The following C2CD2 variants were observed in gnomAD, a reference collection of about 807,000 sequenced individuals.
C2CD2 encodes C2 domain-containing protein 2.
In C2CD2, 43 loss-of-function variants were observed where a neutral mutation model predicts 74.3. That is an observed-to-expected ratio of 0.58 (90% CI 0.45 to 0.75). The LOEUF (loss-of-function observed/expected upper bound fraction) is 0.75, where lower values mean the gene tolerates loss of function less well. Ranked by LOEUF, C2CD2 falls within the 30% of genes least tolerant of loss-of-function variation. The probability of loss-of-function intolerance (pLI) is 0.00; values close to 1 mark genes in which losing one functional copy is unlikely to be tolerated. For missense variants in C2CD2, 801 were observed against 916.3 expected, an observed-to-expected ratio of 0.87 and a Z score of 1.63; for synonymous variants, 422 against 390.7, an observed-to-expected ratio of 1.08 and a Z score of -0.94.
intron 2 of C2CD2, among the ~76,000 whole-genome samples, chr21:41,937,766 T>G (rs1211646315): frequency 6.6e-6 from 1 of 152,166 alleles, no homozygotes; most frequent in Non-Finnish European, 1.5e-5. Flanking sequence ...CAATGGAATA[T>G]TAGCCTTAAA....
intron 13 of C2CD2, among the ~76,000 whole-genome samples, chr21:41,893,076 G>A (rs755349220): frequency 1.3e-5 from 2 of 152,234 alleles, no homozygotes; most frequent in Non-Finnish European, 2.9e-5. Flanking sequence ...GGAGGCTGAG[G>A]TTTGGAGAAT....
chr21:41,906,234 G>A (rs1283256608), intron 10 of C2CD2, among the ~76,000 whole-genome samples: 1 of 152,220 alleles, frequency 6.6e-6, no homozygotes, highest in Non-Finnish European at 1.5e-5. Flanking sequence ...GATCTCAAAT[G>A]ACAGTCCGTC....
Position 41,918,231 on chromosome 21 carries a change from G to C in C2CD2, c.598-4C>G, listed in dbSNP as rs368486228. ...CACTTGTCTCAGCCACCTGGTCCTG[G>C]TGAAAGAGGAGAAAGTTGACAAATC... On this transcript the variant is annotated splice_region_variant and splice_polypyrimidine_tract_variant and intron_variant, in intron 4 of 13. Coordinates refer to ENST00000380486, the MANE Select transcript of C2CD2 (RefSeq NM_015500.2). The C allele has an allele frequency of 1.2e-6, 2 of 1,613,864 alleles. No individual in the cohort carries two copies. Among genetic ancestry groups the C allele is most frequent in the African/African-American group, 2.7e-5 (2 of 74,928 alleles).
chr21:41,899,442 A>G lies in C2CD2; in HGVS notation c.1561-80T>C. 7.6e-7 allele frequency: 1 copy of G among 1,309,828 alleles called. No homozygotes were observed. Among genetic ancestry groups the G allele is most frequent in the South Asian group, 1.3e-5 (1 of 75,264 alleles). 81.1% of individuals were successfully genotyped at this position (1,309,828 alleles called of 1,614,324 possible). On this transcript the variant is annotated intron_variant, in intron 12 of 13. Coordinates refer to ENST00000380486, the MANE Select transcript of C2CD2 (RefSeq NM_015500.2). The surrounding 1 kb of genome is among the most constrained non-coding windows in gnomAD (Gnocchi z 4.4). The stretch of plus-strand genomic sequence containing the variant: ...TGAAAAGAACTGAAAAGCACTCTCC[A>G]AAACATTCTGACAGCTGATTTCAAA...
At chr21:41,919,030 G>A in intron 3 of C2CD2, 70 bp from the exon 4 acceptor site, 1 of 976,026 alleles carries the variant, frequency 1.0e-6, no homozygotes, top group Non-Finnish European at 1.6e-6. Flanking sequence ...GCGTGTGCAT[G>A]TGACTGTGTG....
rs963712915 is a variant in C2CD2 at position 41,926,093 on chromosome 21, C to T, written c.379-4008G>A. On this transcript the variant is annotated intron_variant, in intron 2 of 13. Coordinates refer to ENST00000380486, the MANE Select transcript of C2CD2 (RefSeq NM_015500.2). This position sits in a 1 kb window ranked among gnomAD's most constrained non-coding sequence, Gnocchi z 8.0. ...GCATAGGCGGCAGTGACAGTGAACTCCTCAGAGGACAGGAGTGAACCCCCA... is the reference window on the plus strand; with the variant it reads ...GCATAGGCGGCAGTGACAGTGAACTTCTCAGAGGACAGGAGTGAACCCCCA... 6.6e-5 allele frequency among the ~76,000 whole-genome samples: 10 copies of T among 152,298 alleles called. No homozygotes were observed. Among genetic ancestry groups the T allele is most frequent in the Middle Eastern group, 3.4e-3 (1 of 292 alleles).
chr21:41,909,443 C>T lies in C2CD2; in HGVS notation c.1018+16G>A. The T allele has an allele frequency of 1.9e-6, 3 of 1,600,934 alleles. No individual in the cohort carries two copies. Among genetic ancestry groups the T allele is most frequent in the Non-Finnish European group, 1.7e-6 (2 of 1,167,944 alleles). ...CTTTCCAGAGGGCGAGGCCTCTGTC[C>T]TCCTGCTCAACCCACCTTCTGAGGA... On this transcript the variant is annotated intron_variant, in intron 8 of 13. Coordinates refer to ENST00000380486, the MANE Select transcript of C2CD2 (RefSeq NM_015500.2).
At chr21:41,940,757 G>A (rs760091427) in intron 2 of C2CD2, among the ~76,000 whole-genome samples, 14 of 152,186 alleles carry the variant, frequency 9.2e-5, no homozygotes, top group Non-Finnish European at 1.6e-4. Flanking sequence ...GGGAAGGCGG[G>A]AAGCACTGCT....
Position 41,889,033 on chromosome 21 carries a change from C to T in C2CD2, c.*91G>A, listed in dbSNP as rs780015618. The stretch of plus-strand genomic sequence containing the variant: ...AAACCCAGCAAGACAAGCGGGGCAT[C>T]TGGACATCCGGCGGACACACTGGCT... On this transcript the variant is annotated 3_prime_UTR_variant, in exon 14 of 14. Transcript: ENST00000380486. 1.1e-6 allele frequency: 1 copy of T among 925,654 alleles called. No individual in the cohort carries two copies. Among genetic ancestry groups the T allele is most frequent in the Non-Finnish European group, 1.7e-6 (1 of 575,698 alleles). 57.3% of individuals were successfully genotyped at this position (925,654 alleles called of 1,614,324 possible). A position where few individuals can be genotyped will look rare whatever the true frequency, so the allele number is the denominator to read the frequency against.
At chr21:41,906,847 T>A (rs1040571582) in intron 10 of C2CD2, 145 bp downstream of exon 10, 1 of 604,978 alleles carries the variant, frequency 1.7e-6, no homozygotes, top group East Asian at 2.7e-5. Flanking sequence ...TAAGCACAAG[T>A]GTGGCCAATT....
At chr21:41,935,713 G>A (rs554946323) in intron 2 of C2CD2, among the ~76,000 whole-genome samples, 2 of 152,176 alleles carry the variant, frequency 1.3e-5, no homozygotes, top group African/African-American at 2.4e-5. Flanking sequence ...TTCACAGGGC[G>A]TGGTGGTGCA....
chr21:41,905,443 G>A (rs911703086), intron 11 of C2CD2, among the ~76,000 whole-genome samples: 13 of 151,686 alleles, frequency 8.6e-5, no homozygotes, highest in Non-Finnish European at 1.2e-4. Flanking sequence ...TAAGCCTCTT[G>A]AGTAGCTGGG....
In C2CD2 at chr21:41,914,529, C is replaced by G. The variant is rs112367162; in HGVS notation, c.844+69G>C. On this transcript the variant is annotated intron_variant, in intron 6 of 13. Coordinates refer to ENST00000380486, the MANE Select transcript of C2CD2 (RefSeq NM_015500.2). Reference sequence around the variant, plus strand: ...TGCCACCAGAGAATCCAAGGCCCCCCGGAGCCCCCGACTCTGCTCAGGGGC... The same window carrying G: ...TGCCACCAGAGAATCCAAGGCCCCCGGGAGCCCCCGACTCTGCTCAGGGGC... The G allele has an allele frequency of 4.1e-6, 6 of 1,449,980 alleles. No individual in the cohort carries two copies. In the East Asian group the frequency reaches 1.2e-4, roughly 29 times the overall value. The allele number at this position is 1,449,980 out of a possible 1,614,324, so 89.8% of individuals were successfully genotyped here.
chr21:41,930,974 T>C (rs957931971), intron 2 of C2CD2, among the ~76,000 whole-genome samples: 3 of 150,024 alleles, frequency 2.0e-5, no homozygotes, highest in African/African-American at 7.3e-5. Flanking sequence ...GATATGGAAA[T>C]AGGAATTTCC....
rs1472717702 is a variant in C2CD2, at chr21:41,909,458, C to A, written c.1018+1G>T. The A allele has an allele frequency of 1.2e-6, 2 of 1,611,004 alleles. No homozygotes were observed. Among genetic ancestry groups the A allele is most frequent in the African/African-American group, 2.7e-5 (2 of 74,868 alleles). Reference sequence around the variant, plus strand: ...GGCCTCTGTCCTCCTGCTCAACCCACCTTCTGAGGATCGCCCAGCCTCTGA... The same window carrying A: ...GGCCTCTGTCCTCCTGCTCAACCCAACTTCTGAGGATCGCCCAGCCTCTGA... On this transcript the variant is annotated splice_donor_variant, in intron 8 of 13. Transcript: ENST00000380486. LOFTEE classifies it high-confidence loss of function.
chr21:41,943,412 C>T (rs2065371888), intron 1 of C2CD2, among the ~76,000 whole-genome samples: 1 of 152,104 alleles, frequency 6.6e-6, no homozygotes, highest in African/African-American at 2.4e-5. Flanking sequence ...CAAGTCTTGT[C>T]CAAGTCTTGT....
At position 41,922,060 on chromosome 21, in the gene C2CD2, T is replaced by TG; in HGVS notation, c.403dup (p.Gln135ProfsTer45). On this transcript the variant is annotated frameshift_variant, in exon 3 of 14. Coordinates refer to ENST00000380486, the MANE Select transcript of C2CD2 (RefSeq NM_015500.2). LOFTEE classifies it high-confidence loss of function. ...CTCGCTGACCAAGAACTGAATAGCC[T>TG]GGCCCACCACGTGACAGACCACCAC... is the stretch of plus-strand genomic sequence containing the variant. 4 of 1,613,716 alleles carry TG rather than the reference T, an allele frequency of 2.5e-6. No homozygotes were observed. The highest frequency in any genetic ancestry group is 3.4e-6 in the Non-Finnish European group (4 of 1,179,634).
rs1415331840 is a variant in C2CD2 at position 41,945,934 on chromosome 21, A to T, written c.280-3689T>A. Among the ~76,000 whole-genome samples, 2 of 152,254 alleles carry T rather than the reference A, an allele frequency of 1.3e-5. No homozygotes were observed. The highest frequency in any genetic ancestry group is 2.9e-5 in the Non-Finnish European group (2 of 68,054). On this transcript the variant is annotated intron_variant, in intron 1 of 13. Transcript: ENST00000380486. This position sits in a 1 kb window ranked among gnomAD's most constrained non-coding sequence, Gnocchi z 4.2. ...AAGTCCTTTAGAGCAGTGTGAAAAC[A>T]GACTGATACAACAATATAATAAATA...
chr21:41,914,659 G>A lies in C2CD2; in HGVS notation c.783C>T (p.His261=), dbSNP rs147828610. 84 of 1,613,362 alleles carry A rather than the reference G, an allele frequency of 5.2e-5. No homozygotes were observed. The African/African-American group carries it at 6.1e-4, about 12-fold the overall frequency. ...ESCPPKPPRA[H]ELKLLVRNIH... ...TGTTCCTCACCAGTAGCTTCAGCTC[G>A]TGAGCCCTTGGAGGTTTAGGAGGAC... Residue 261 remains histidine, a synonymous_variant, in exon 6 of 14, where the codon CAC becomes CAT. Coordinates refer to ENST00000380486, the MANE Select transcript of C2CD2 (RefSeq NM_015500.2).
Sources: allele counts gnomAD v4.1 joint callset (sites outside exome capture counted in the v4.1 genomes callset), GRCh38; gene constraint gnomAD v4.1.1; non-coding constraint Gnocchi (gnomAD v3.1); transcripts MANE v1.5; gene names NCBI Gene and HGNC (gene_info 2026-07-23, HGNC 2026-07-21).